Variants in ELAVL1 observed in about 807,000 individuals in gnomAD.
The protein encoded by ELAVL1 is ELAV-like protein 1.
Under a neutral mutation model 28.4 loss-of-function variants are expected in ELAVL1, and 1 was observed. That is an observed-to-expected ratio of 0.04 (90% confidence interval 0.01 to 0.17). ELAVL1 has a LOEUF of 0.17. ELAVL1 is among the 10% of genes least tolerant of loss of function. ELAVL1 has a pLI of 1.00. For missense variants in ELAVL1, 157 were observed against 447.2 expected (o/e 0.35, Z 5.85); for synonymous variants, 174 against 183.5 (o/e 0.95, Z 0.42).
chr19:8,003,381 G>GAAA (rs71165249), intron 1 of ELAVL1, among the ~76,000 whole-genome samples: 1 of 88,750 alleles, frequency 1.1e-5, no homozygotes, highest in African/African-American at 4.7e-5. Context: ...AAAAGAAAAA[G>GAAA]AAAAAAAAAA....
At chr19:7,992,770 T>C (rs1985786584) in intron 1 of ELAVL1, among the ~76,000 whole-genome samples, 1 of 152,218 alleles carries the variant, frequency 6.6e-6, no homozygotes, top group Non-Finnish European at 1.5e-5. Flanking sequence ...GTGTCAATAT[T>C]GATTCACCAA....
intron 1 of ELAVL1, among the ~76,000 whole-genome samples, chr19:7,996,527 C>A (rs562333173): frequency 2.0e-4 from 30 of 150,742 alleles, no homozygotes; most frequent in Non-Finnish European, 3.7e-4. Context: ...CAGAAGCAGG[C>A]TAGTGTGCTG....
Position 7,987,977 on chromosome 19 carries a change from C to T in ELAVL1, c.172+3667G>A, listed in dbSNP as rs116864111. Among the ~76,000 whole-genome samples, 718 of 152,314 alleles carry T rather than the reference C, an allele frequency of 4.7e-3. 5 individuals are homozygous for T. Among genetic ancestry groups the T allele is most frequent in the East Asian group, 0.025 (129 of 5,186 alleles). On this transcript the variant is annotated intron_variant, in intron 2 of 5. Transcript: ENST00000407627. Reference sequence around the variant, plus strand: ...GGTCACATGCGGGCTGTCAAACAGGCCCCTCTGCTGCAGTGAGGACAGTGG... The same window carrying T: ...GGTCACATGCGGGCTGTCAAACAGGTCCCTCTGCTGCAGTGAGGACAGTGG...
intron 2 of ELAVL1, among the ~76,000 whole-genome samples, chr19:7,983,165 A>G (rs2145214976): frequency 6.6e-6 from 1 of 152,268 alleles, no homozygotes; most frequent in Admixed American, 6.5e-5. Flanking sequence ...CCAAAATCAG[A>G]TCCTCTAGAC....
Position 7,960,158 on chromosome 19 carries a change from G to A in ELAVL1, c.*3325C>T, listed in dbSNP as rs1001446699. On this transcript the variant is annotated 3_prime_UTR_variant, in exon 6 of 6. Coordinates refer to ENST00000407627, the MANE Select transcript of ELAVL1 (RefSeq NM_001419.3). The stretch of plus-strand genomic sequence containing the variant: ...AGGAATTGCCACTAACCGTCTTCGG[G>A]TGCTTCTATTTCTCTGATCCAGCAG... 2 of 152,182 alleles carry A rather than the reference G, an allele frequency of 1.3e-5. No homozygotes were observed. Among genetic ancestry groups the A allele is most frequent in the African/African-American group, 4.8e-5 (2 of 41,442 alleles). 9.4% of individuals were successfully genotyped at this position (152,182 alleles called of 1,614,324 possible).
intron 4 of ELAVL1, among the ~76,000 whole-genome samples, chr19:7,968,088 G>A (rs1077341): frequency 0.15 from 23,065 of 152,264 alleles, 2,162 homozygotes; most frequent in Non-Finnish European, 0.21. Context: ...TTATTTGGAA[G>A]AAAGCAACAT....
At chr19:7,992,588 T>C (rs1985781228) in intron 1 of ELAVL1, among the ~76,000 whole-genome samples, 1 of 151,638 alleles carries the variant, frequency 6.6e-6, no homozygotes, top group South Asian at 2.1e-4. Context: ...CAGGTCGGCG[T>C]GGGGGGGACA....
chr19:8,005,557 CG>C lies in ELAVL1; in HGVS notation c.-80del, dbSNP rs1325072306. On this transcript the variant is annotated 5_prime_UTR_variant, in exon 1 of 6. Transcript: ENST00000407627. ...CGGGCGGGAGGCGGCGGCGGCGCGG[CG>C]CTAACGGCTCCGCTCGGCCTCGGTA... The C allele has an allele frequency of 6.8e-6, 1 of 148,072 alleles. No individual in the cohort carries two copies. Among genetic ancestry groups the C allele is most frequent in the African/African-American group, 2.5e-5 (1 of 40,738 alleles). 9.2% of individuals were successfully genotyped at this position (148,072 alleles called of 1,614,324 possible).
At chr19:7,966,681 G>C (rs575817433) in intron 5 of ELAVL1, among the ~76,000 whole-genome samples, 3 of 152,216 alleles carry the variant, frequency 2.0e-5, no homozygotes, top group African/African-American at 7.2e-5. Flanking sequence ...GTGCAGTGGT[G>C]CAATCATAGT....
In ELAVL1 at chr19:7,960,383, C is replaced by T. The variant is rs896828590; in HGVS notation, c.*3100G>A. The T allele has an allele frequency of 7.9e-5, 12 of 152,292 alleles. No individual in the cohort carries two copies. The highest frequency in any genetic ancestry group is 1.7e-4 in the African/African-American group (7 of 41,552). 9.4% of individuals were successfully genotyped at this position (152,292 alleles called of 1,614,324 possible). On this transcript the variant is annotated 3_prime_UTR_variant, in exon 6 of 6. Transcript: ENST00000407627. ...CCAGCACCACCTGCGGGCGGGCCCC[C>T]GAGGAAGCCCATGAATTTCAGGATA...
intron 1 of ELAVL1, among the ~76,000 whole-genome samples, chr19:7,996,690 G>A (rs547349371): frequency 6.6e-6 from 1 of 152,096 alleles, no homozygotes; most frequent in South Asian, 2.1e-4. Flanking sequence ...GTGGGCATCT[G>A]TAATCTCAGT....
rs751092258 is a variant in ELAVL1 at position 7,963,546 on chromosome 19, G to A, written c.918C>T (p.Asn306=). 5.6e-6 allele frequency: 9 copies of A among 1,614,026 alleles called. No individual in the cohort carries two copies. In the Admixed American group the frequency reaches 8.3e-5, roughly 15 times the overall value. Residue 306 remains asparagine (N), a synonymous_variant, in exon 6 of 6, where the codon AAC becomes AAT. Transcript: ENST00000407627. The surrounding 1 kb of genome is among the most constrained non-coding windows in gnomAD (Gnocchi z 4.5). ...EEAAMAIASL[N]GYRLGDKILQ... ...AGATTTTGTCCCCCAGGCGGTAGCCGTTCAGGCTGGCTATGGCCATCGCGG... is the reference window on the plus strand; with the variant it reads ...AGATTTTGTCCCCCAGGCGGTAGCCATTCAGGCTGGCTATGGCCATCGCGG...
At chr19:7,972,002 C>CA (rs1400550761) in intron 4 of ELAVL1, among the ~76,000 whole-genome samples, 1 of 152,182 alleles carries the variant, frequency 6.6e-6, no homozygotes, top group Non-Finnish European at 1.5e-5. Context: ...GCTGTTCTCT[C>CA]AAAAAGAGGT....
intron 1 of ELAVL1, among the ~76,000 whole-genome samples, chr19:7,995,948 C>T (rs1985863747): frequency 6.6e-6 from 1 of 151,786 alleles, no homozygotes; most frequent in Admixed American, 6.6e-5. Context: ...AGTCTCACTC[C>T]ACTGCCCAGG....
chr19:7,963,930 G>C lies in ELAVL1; in HGVS notation c.657-123C>G, dbSNP rs1984880038. ...ATCCCGCTCTGCGCAGCCACGAGGT[G>C]CTCACGGTTGAGACACCTGCATGGG... On this transcript the variant is annotated intron_variant, in intron 5 of 5. Coordinates refer to ENST00000407627, the MANE Select transcript of ELAVL1 (RefSeq NM_001419.3). The surrounding 1 kb of genome is among the most constrained non-coding windows in gnomAD (Gnocchi z 4.5). 8.9e-7 allele frequency: 1 copy of C among 1,120,480 alleles called. No homozygotes were observed. Among genetic ancestry groups the C allele is most frequent in the African/African-American group, 1.6e-5 (1 of 63,494 alleles). The allele number at this position is 1,120,480 out of a possible 1,614,324, so 69.4% of individuals were successfully genotyped here.
At position 7,973,379 on chromosome 19, in the gene ELAVL1, C is replaced by T. The variant is rs371679041; in HGVS notation, c.430+346G>A. On this transcript the variant is annotated intron_variant, in intron 4 of 5. Transcript: ENST00000407627. The stretch of plus-strand genomic sequence containing the variant: ...CCGAGTAGCTGGGACTACAGGCGCC[C>T]GCCACCATGCCCAGCTAATTTTTTG... 9.4e-5 allele frequency: 36 copies of T among 382,072 alleles called. No homozygotes were observed. The South Asian group carries it at 3.1e-3, about 33-fold the overall frequency. The allele number at this position is 382,072 out of a possible 1,614,324, so 23.7% of individuals were successfully genotyped here.
At chr19:8,001,662 C>T (rs1233382717) in intron 1 of ELAVL1, among the ~76,000 whole-genome samples, 3 of 151,236 alleles carry the variant, frequency 2.0e-5, no homozygotes, top group Admixed American at 6.6e-5. Flanking sequence ...GATGGGATCT[C>T]GCTATGTTGC....
chr19:7,992,614 C>T (rs768364490), intron 1 of ELAVL1, among the ~76,000 whole-genome samples: 7 of 151,946 alleles, frequency 4.6e-5, no homozygotes, highest in Non-Finnish European at 8.8e-5. Flanking sequence ...TAGTGGAACA[C>T]GGGATTGTCA....
chr19:7,986,876 A>G (rs1248257635), intron 2 of ELAVL1, among the ~76,000 whole-genome samples: 1 of 152,198 alleles, frequency 6.6e-6, no homozygotes, highest in East Asian at 1.9e-4. Context: ...ATGAATACGT[A>G]AAGAAAATCA....
Sources: allele counts gnomAD v4.1 joint callset (sites outside exome capture counted in the v4.1 genomes callset), GRCh38; gene constraint gnomAD v4.1.1; non-coding constraint Gnocchi (gnomAD v3.1); transcripts MANE v1.5; gene names NCBI Gene and HGNC (gene_info 2026-07-23, HGNC 2026-07-21).